The following PTPRA variants were observed in gnomAD, a reference collection of about 807,000 sequenced individuals.
The protein encoded by PTPRA is receptor-type tyrosine-protein phosphatase alpha.
Under a neutral mutation model 104.8 loss-of-function variants are expected in PTPRA, and 25 were observed. That is an observed-to-expected ratio of 0.24 (90% CI 0.17 to 0.33). PTPRA has a LOEUF of 0.33. PTPRA is among the 10% of genes least tolerant of loss of function. The pLI, the probability that PTPRA is intolerant of heterozygous loss-of-function variation, is 1.00. For synonymous variants in PTPRA, 323 were observed against 368.9 expected (o/e 0.88, Z 1.43); for missense variants, 765 against 1,015.3 (o/e 0.75, Z 3.35).
Position 2,895,737 on chromosome 20 carries a change from C to T in PTPRA, c.-129+21977C>T, listed in dbSNP as rs1001697429. 1.8e-4 allele frequency among the ~76,000 whole-genome samples: 28 copies of T among 152,048 alleles called. 1 individual carries two copies. Among genetic ancestry groups the T allele is most frequent in the Non-Finnish European group, 8.8e-5 (6 of 68,016 alleles). ...TGGAGATGGGGTTTCCCCATCTTGGCCAGGCTGTTCTCGAACTCCTGCCTC... is the reference window on the plus strand; with the variant it reads ...TGGAGATGGGGTTTCCCCATCTTGGTCAGGCTGTTCTCGAACTCCTGCCTC... On this transcript the variant is annotated intron_variant, in intron 1 of 23. Coordinates refer to ENST00000399903, the MANE Select transcript of PTPRA (RefSeq NM_001385305.1).
chr20:3,000,081 C>T (rs546720679), intron 9 of PTPRA, among the ~76,000 whole-genome samples: 40 of 152,002 alleles, frequency 2.6e-4, no homozygotes, highest in African/African-American at 6.8e-4. Flanking sequence ...GTCAGGAGTT[C>T]GAGACCAGCC....
intron 1 of PTPRA, among the ~76,000 whole-genome samples, chr20:2,898,852 C>T (rs1056564371): frequency 6.6e-6 from 1 of 151,366 alleles, no homozygotes; most frequent in Non-Finnish European, 1.5e-5. Context: ...GGCGAGACTC[C>T]GTCTCAAAAA....
At chr20:2,983,568 C>CAAAAAAAAAAAAAAA (rs58694839) in intron 6 of PTPRA, among the ~76,000 whole-genome samples, 2 of 93,418 alleles carry the variant, frequency 2.1e-5, no homozygotes, top group Non-Finnish European at 4.3e-5. Flanking sequence ...AAAAAAAATG[C>CAAAAAAAAAAAAAAA]AAAAAAAAAA....
intron 11 of PTPRA, among the ~76,000 whole-genome samples, chr20:3,015,303 C>CTTTTTTTTTT (rs778457233): frequency 2.2e-5 from 3 of 134,650 alleles, no homozygotes; most frequent in Admixed American, 7.6e-5. Context: ...CTTTCTTTTT[C>CTTTTTTTTTT]TTTTTTTTTT....
rs1291921515 is a variant in PTPRA, at chr20:3,035,539, AC to A, written c.1921-45del. The A allele has an allele frequency of 6.4e-7, 1 of 1,569,694 alleles. No homozygotes were observed. Among genetic ancestry groups the A allele is most frequent in the Admixed American group, 1.7e-5 (1 of 59,460 alleles). ...TGCTCGTGGGCAGTGCTGCTTCTAC[AC>A]ATGTGGTACTCTGAGCTCCTCACCT... On this transcript the variant is annotated intron_variant, in intron 20 of 23. Coordinates refer to ENST00000399903, the MANE Select transcript of PTPRA (RefSeq NM_001385305.1). This position sits in a 1 kb window ranked among gnomAD's most constrained non-coding sequence, Gnocchi z 5.8.
intron 2 of PTPRA, among the ~76,000 whole-genome samples, chr20:2,947,527 A>G (rs2061178980): frequency 6.6e-6 from 1 of 152,170 alleles, no homozygotes. Context: ...TTTGTGCTCT[A>G]CATTCACCCT....
chr20:2,923,171 T>A, intron 1 of PTPRA, 36 bp from the exon 2 acceptor site: 1 of 930,704 alleles, frequency 1.1e-6, no homozygotes, highest in Non-Finnish European at 1.5e-6. Context: ...TCAGGGATGT[T>A]GTATATTTCT....
intron 1 of PTPRA, among the ~76,000 whole-genome samples, chr20:2,918,215 G>A (rs1306014032): frequency 1.3e-5 from 2 of 151,546 alleles, no homozygotes; most frequent in Non-Finnish European, 2.9e-5. Context: ...TTTAAAACGA[G>A]ACAGGGTGAC....
At chr20:2,971,219 C>T (rs1166277177) in intron 5 of PTPRA, among the ~76,000 whole-genome samples, 3 of 152,098 alleles carry the variant, frequency 2.0e-5, no homozygotes, top group Non-Finnish European at 4.4e-5. Context: ...TTGTATTGAT[C>T]ATGTTAAATA....
At chr20:2,982,235 G>T (rs984570517) in intron 6 of PTPRA, among the ~76,000 whole-genome samples, 1 of 151,286 alleles carries the variant, frequency 6.6e-6, no homozygotes, top group Non-Finnish European at 1.5e-5. Flanking sequence ...GGACCAGAGG[G>T]GTGTGCCACC....
chr20:2,902,253 C>A (rs180851419), intron 1 of PTPRA, among the ~76,000 whole-genome samples: 1 of 152,344 alleles, frequency 6.6e-6, no homozygotes, highest in African/African-American at 2.4e-5. Context: ...TTGGTAAACA[C>A]TAAGCACCTC....
At chr20:3,033,163 G>A (rs984644061) in intron 20 of PTPRA, among the ~76,000 whole-genome samples, 1 of 151,832 alleles carries the variant, frequency 6.6e-6, no homozygotes, top group East Asian at 1.9e-4. Flanking sequence ...CCATATGCCA[G>A]GGATCCTCAA....
chr20:2,891,638 C>T (rs2058794429), intron 1 of PTPRA, among the ~76,000 whole-genome samples: 1 of 152,122 alleles, frequency 6.6e-6, no homozygotes, highest in South Asian at 2.1e-4. Flanking sequence ...TGATAATTCA[C>T]ACATTGGCAT....
intron 1 of PTPRA, among the ~76,000 whole-genome samples, chr20:2,878,526 G>A (rs1281942292): frequency 6.6e-6 from 1 of 152,172 alleles, no homozygotes; most frequent in Non-Finnish European, 1.5e-5. Flanking sequence ...TGTAGTTGGT[G>A]CAATCCTTTT....
At chr20:3,000,107 G>C (rs1227679423) in intron 9 of PTPRA, among the ~76,000 whole-genome samples, 1 of 151,924 alleles carries the variant, frequency 6.6e-6, no homozygotes, top group African/African-American at 2.4e-5. Context: ...AACACGGTGA[G>C]ACCCTGTCTC....
At chr20:2,883,675 A>AAAAAAAAAAAAAG (rs1568638017) in intron 1 of PTPRA, among the ~76,000 whole-genome samples, 2 of 22,668 alleles carry the variant, frequency 8.8e-5, no homozygotes, top group African/African-American at 2.0e-3. Context: ...AAAAAAAAAA[A>AAAAAAAAAAAAAG]AAAGAAAGAA....
chr20:2,936,795 A>C (rs1461049796), intron 2 of PTPRA, among the ~76,000 whole-genome samples: 1 of 152,070 alleles, frequency 6.6e-6, no homozygotes, highest in Non-Finnish European at 1.5e-5. Context: ...TTTTTAAAAG[A>C]ATCAGTTCTA....
At position 3,037,129 on chromosome 20, in the gene PTPRA, G is replaced by T; in HGVS notation, c.2199-25G>T. 6.2e-7 allele frequency: 1 copy of T among 1,611,264 alleles called. No homozygotes were observed. The highest frequency in any genetic ancestry group is 2.2e-5 in the East Asian group (1 of 44,854). On this transcript the variant is annotated intron_variant, in intron 22 of 23. Transcript: ENST00000399903. The surrounding 1 kb of genome is among the most constrained non-coding windows in gnomAD (Gnocchi z 4.3). ...TTGCACAGAGGGCCATCACAGGTGT[G>T]GTAAATGTGTCTGCTCTGTTGCAGC...
At chr20:2,953,103 T>A (rs2147815523) in intron 3 of PTPRA, among the ~76,000 whole-genome samples, 1 of 152,286 alleles carries the variant, frequency 6.6e-6, no homozygotes, top group East Asian at 1.9e-4. Context: ...GTTAATACTG[T>A]ATTTAGTTTT....
Sources: allele counts gnomAD v4.1 joint callset (sites outside exome capture counted in the v4.1 genomes callset), GRCh38; gene constraint gnomAD v4.1.1; non-coding constraint Gnocchi (gnomAD v3.1); transcripts MANE v1.5; gene names NCBI Gene and HGNC (gene_info 2026-07-23, HGNC 2026-07-21).